ZFHX3: variants seen among roughly 807,000 people sequenced by gnomAD.
The protein encoded by ZFHX3 is zinc finger homeobox protein 3.
Under a neutral mutation model 279.1 loss-of-function variants are expected in ZFHX3, and 42 were observed. The observed-to-expected ratio is 0.15, with a 90% CI of 0.12 to 0.19. The LOEUF (loss-of-function observed/expected upper bound fraction) is 0.19, where lower values mean the gene tolerates loss of function less well. Ranked by LOEUF, ZFHX3 falls within the 10% of genes least tolerant of loss-of-function variation. The pLI, the probability that ZFHX3 is intolerant of heterozygous loss-of-function variation, is 1.00. For synonymous variants in ZFHX3, 2,293 were observed against 1,957.8 expected (o/e 1.17, Z -4.52); for missense variants, 4,981 against 4,754.0 (o/e 1.05, Z -1.40).
intron 1 of ZFHX3, among the ~76,000 whole-genome samples, chr16:73,757,584 T>C (rs2053823244): frequency 6.6e-6 from 1 of 152,164 alleles, no homozygotes. Context: ...GTGTTAGGCA[T>C]TGAGATAAAA....
intron 7 of ZFHX3, among the ~76,000 whole-genome samples, chr16:73,100,104 T>C (rs545450698): frequency 1.3e-5 from 2 of 152,286 alleles, no homozygotes; most frequent in East Asian, 3.9e-4. Flanking sequence ...TGTTGACAAT[T>C]CCGGGGCTCC....
intron 3 of ZFHX3, among the ~76,000 whole-genome samples, chr16:72,926,954 C>T (rs773471838): frequency 6.6e-6 from 1 of 152,202 alleles, no homozygotes. Context: ...AGGAAAGTCT[C>T]CAATCAAGAG....
chr16:73,340,328 C>T (rs1238986304), intron 3 of ZFHX3, among the ~76,000 whole-genome samples: 1 of 152,214 alleles, frequency 6.6e-6, no homozygotes, highest in African/African-American at 2.4e-5. Flanking sequence ...AAAGGTGGCA[C>T]TGGCAGTCAC....
At chr16:72,871,246 G>A (rs2038153733) in intron 4 of ZFHX3, among the ~76,000 whole-genome samples, 1 of 152,064 alleles carries the variant, frequency 6.6e-6, no homozygotes, top group Non-Finnish European at 1.5e-5. Context: ...CGCAATCTTG[G>A]CTCACTGCAA....
intron 8 of ZFHX3, among the ~76,000 whole-genome samples, chr16:73,068,839 G>A (rs1390881154): frequency 6.6e-6 from 1 of 152,208 alleles, no homozygotes; most frequent in East Asian, 1.9e-4. Context: ...CCTAAGGTAG[G>A]GAAGGCTGTG....
chr16:73,588,343 A>G (rs2051949150), intron 2 of ZFHX3, among the ~76,000 whole-genome samples: 1 of 152,210 alleles, frequency 6.6e-6, no homozygotes, highest in African/African-American at 2.4e-5. Context: ...AGAATATAGT[A>G]TGTCCAAAAA....
chr16:73,705,687 G>C (rs1374829826), intron 1 of ZFHX3, among the ~76,000 whole-genome samples: 15 of 152,178 alleles, frequency 9.9e-5, no homozygotes, highest in Middle Eastern at 6.8e-3. Context: ...CTTTAACATT[G>C]AGTGTGATCC....
intron 6 of ZFHX3, among the ~76,000 whole-genome samples, chr16:73,141,732 C>T (rs1371126780): frequency 6.6e-6 from 1 of 152,136 alleles, no homozygotes; most frequent in Non-Finnish European, 1.5e-5. Flanking sequence ...ATCCTACCAC[C>T]CTCCCTTTGA....
intron 2 of ZFHX3, among the ~76,000 whole-genome samples, chr16:72,956,955 G>T (rs962017821): frequency 3.3e-5 from 5 of 152,068 alleles, no homozygotes; most frequent in African/African-American, 1.2e-4. Flanking sequence ...AACGTACACT[G>T]TGGTTCCGAA....
intron 3 of ZFHX3, among the ~76,000 whole-genome samples, chr16:73,396,043 T>C (rs903106160): frequency 1.3e-5 from 2 of 152,236 alleles, no homozygotes; most frequent in Admixed American, 1.3e-4. Flanking sequence ...CTACCTGGAA[T>C]AAATAGGCCA....
At chr16:72,887,836 G>A (rs2038669111) in intron 4 of ZFHX3, among the ~76,000 whole-genome samples, 3 of 152,016 alleles carry the variant, frequency 2.0e-5, no homozygotes, top group South Asian at 2.1e-4. Flanking sequence ...GTATGTGAGC[G>A]TGGATGGAAT....
chr16:73,532,186 G>A (rs1415088217), intron 2 of ZFHX3, among the ~76,000 whole-genome samples: 1 of 151,694 alleles, frequency 6.6e-6, no homozygotes, highest in Non-Finnish European at 1.5e-5. Context: ...TTGAATTGTA[G>A]CTCCCACGTG....
chr16:73,508,637 A>T (rs977602849), intron 2 of ZFHX3, among the ~76,000 whole-genome samples: 1 of 152,180 alleles, frequency 6.6e-6, no homozygotes, highest in African/African-American at 2.4e-5. Flanking sequence ...TACTCAATTG[A>T]TTCTCCATCA....
At chr16:73,028,637 G>A (rs561878391) in intron 1 of ZFHX3, among the ~76,000 whole-genome samples, 2 of 152,262 alleles carry the variant, frequency 1.3e-5, no homozygotes, top group African/African-American at 4.8e-5. Flanking sequence ...AACCTCAACC[G>A]CTCGGAGGGA....
chr16:73,329,678 T>G (rs1457499147), intron 3 of ZFHX3, among the ~76,000 whole-genome samples: 1 of 152,176 alleles, frequency 6.6e-6, no homozygotes, highest in African/African-American at 2.4e-5. Context: ...ATTAATGACT[T>G]TTGCTTTGTG....
At chr16:73,797,680 G>A (rs1408664616) in intron 1 of ZFHX3, among the ~76,000 whole-genome samples, 1 of 152,148 alleles carries the variant, frequency 6.6e-6, no homozygotes, top group African/African-American at 2.4e-5. Flanking sequence ...AGAACCATGG[G>A]TAAGTCAGGA....
At chr16:73,354,600 A>G (rs2016303945) in intron 3 of ZFHX3, among the ~76,000 whole-genome samples, 1 of 152,172 alleles carries the variant, frequency 6.6e-6, no homozygotes, top group African/African-American at 2.4e-5. Context: ...TCCCCAGTCC[A>G]GCGTCTGCCT....
In ZFHX3 at chr16:73,156,252, G is replaced by T. The variant is rs950434639; in HGVS notation, c.-1103-12421C>A. Among the ~76,000 whole-genome samples the T allele has an allele frequency of 5.5e-5, 7 of 126,656 alleles. No individual in the cohort carries two copies. The East Asian group carries it at 1.5e-3, about 28-fold the overall frequency. 83.1% of individuals were successfully genotyped at this position (126,656 alleles called of 152,430 possible). A position where few individuals can be genotyped will look rare whatever the true frequency, so the allele number is the denominator to read the frequency against. ...CTCTCAAAAAAAAAAAAAAAAAAAA[G>T]ACTATATATAAAGTGTTCTTTTCCA... On this transcript the variant is annotated intron_variant, in intron 5 of 17. Coordinates refer to the ZFHX3 transcript ENST00000641206.
At chr16:73,216,615 T>G (rs761210892) in intron 5 of ZFHX3, among the ~76,000 whole-genome samples, 8 of 152,074 alleles carry the variant, frequency 5.3e-5, no homozygotes, top group Non-Finnish European at 7.4e-5. Context: ...CACTGATAGA[T>G]CATTTGACTA....
Sources: gnomAD v4.1 joint callset for allele counts (sites outside exome capture counted in the v4.1 genomes callset) on GRCh38, gnomAD v4.1.1 for gene constraint, MANE v1.5 for transcripts, NCBI Gene and HGNC (gene_info 2026-07-23, HGNC 2026-07-21) for gene names.